The following ADAM33 variants were observed in gnomAD, a reference collection of about 807,000 sequenced individuals.
The protein encoded by ADAM33 is ADAM metallopeptidase domain 33, also known as disintegrin and metalloproteinase domain-containing protein 33.
In ADAM33, 103 loss-of-function variants were observed where a neutral mutation model predicts 106.2. That is an observed-to-expected ratio of 0.97 (90% CI 0.83 to 1.14). ADAM33 has a LOEUF of 1.14. Among genes scored for constraint, ADAM33 ranks in the 50% most tolerant of loss-of-function variants. ADAM33 has a pLI of 0.00. For missense variants in ADAM33, 1,120 were observed against 1,096.6 expected, an observed-to-expected ratio of 1.02 and a Z score of -0.30; for synonymous variants, 483 against 453.0, an observed-to-expected ratio of 1.07 and a Z score of -0.84.
At chr20:3,677,960 G>A (rs1451256952) in intron 2 of ADAM33, among the ~76,000 whole-genome samples, 2 of 152,190 alleles carry the variant, frequency 1.3e-5, no homozygotes, top group East Asian at 1.9e-4. Context: ...TTTAACCCCC[G>A]ACTCCTTTTC....
chr20:3,672,968 C>T, intron 11 of ADAM33, 70 bp from the exon 12 acceptor site: 1 of 1,455,590 alleles, frequency 6.9e-7, no homozygotes, highest in Non-Finnish European at 9.0e-7. Context: ...CTGATCCCCA[C>T]CCCTGGGCTT....
At chr20:3,678,256 G>A (rs1300988366) in intron 2 of ADAM33, among the ~76,000 whole-genome samples, 1 of 152,248 alleles carries the variant, frequency 6.6e-6, no homozygotes, top group Non-Finnish European at 1.5e-5. Context: ...ATCTTGAAAT[G>A]TGAGTGTTTC....
intron 3 of ADAM33, 101 bp downstream of exon 3, chr20:3,676,966 T>G: frequency 7.9e-7 from 1 of 1,273,474 alleles, no homozygotes; most frequent in East Asian, 2.8e-5. Context: ...GCACCCTCTC[T>G]GGGGTCCTCT....
chr20:3,674,523 G>A lies in ADAM33; in HGVS notation c.581C>T (p.Pro194Leu). Residue 194 changes from proline to leucine, a missense_variant, in exon 6 of 22, where the codon CCT (proline) becomes CTT (leucine). Pro to Leu is a moderately conservative substitution (Grantham distance 98). Transcript: ENST00000356518. Reference sequence around the variant, plus strand: ...CCTGACCCTGCTCTGGGGACCACCAGGAAGGCTGGTCATGCCCGCTTTGTT... The same window carrying A: ...CCTGACCCTGCTCTGGGGACCACCAAGAAGGCTGGTCATGCCCGCTTTGTT... ...PGNKAGMTSLPGGPQSRGRRE... is the reference protein window; with the variant it reads ...PGNKAGMTSLLGGPQSRGRRE... 1.2e-6 allele frequency: 2 copies of A among 1,613,476 alleles called. No homozygotes were observed. The highest frequency in any genetic ancestry group is 1.7e-6 in the Non-Finnish European group (2 of 1,179,922).
At chr20:3,676,315 TC>T (rs2087949978) in intron 3 of ADAM33, among the ~76,000 whole-genome samples, 4 of 151,250 alleles carry the variant, frequency 2.6e-5, no homozygotes, top group Admixed American at 2.6e-4. Flanking sequence ...CCAAATTCAT[TC>T]CCCCCTGCTC....
intron 3 of ADAM33, among the ~76,000 whole-genome samples, chr20:3,676,418 C>CT (rs373160767): frequency 0.024 from 3,466 of 147,130 alleles, 135 homozygotes; most frequent in African/African-American, 0.079. Context: ...TCTTTTCTTT[C>CT]TTTTTTTTTT....
At position 3,672,173 on chromosome 20, in the gene ADAM33, G is replaced by C; in HGVS notation, c.1558C>G (p.Pro520Ala). Residue 520 changes from proline to alanine, a missense_variant, in exon 14 of 22, where the codon CCC (proline) becomes GCC (alanine). Physicochemically the swap from Pro to Ala is conservative, Grantham distance 27. Transcript: ENST00000356518. ...GSGYCWDGAC[P>A]TLEQQCQQLW... ...TGCTGGCACTGCTGCTCCAGCGTGGGACATGCGCCATCCCAGCAGTAGCCA... is the reference window on the plus strand; with the variant it reads ...TGCTGGCACTGCTGCTCCAGCGTGGCACATGCGCCATCCCAGCAGTAGCCA... 6.2e-7 allele frequency: 1 copy of C among 1,613,202 alleles called. No homozygotes were observed. Among genetic ancestry groups the C allele is most frequent in the Non-Finnish European group, 8.5e-7 (1 of 1,179,986 alleles).
Position 3,677,149 on chromosome 20 carries a change from C to A in ADAM33, c.178-6G>T. ...CCCATGTCTGGCTTCGAGACCTGGGCAAGAAAATGTGTGGAGCTGAGATGG... is the reference window on the plus strand; with the variant it reads ...CCCATGTCTGGCTTCGAGACCTGGGAAAGAAAATGTGTGGAGCTGAGATGG... On this transcript the variant is annotated splice_polypyrimidine_tract_variant and splice_region_variant and intron_variant, in intron 2 of 21. Transcript: ENST00000356518. 1.2e-6 allele frequency: 2 copies of A among 1,605,056 alleles called. No homozygotes were observed. Among genetic ancestry groups the A allele is most frequent in the Non-Finnish European group, 1.7e-6 (2 of 1,175,682 alleles).
chr20:3,672,802 G>A lies in ADAM33; in HGVS notation c.1230C>T (p.Asp410=), dbSNP rs1398689698. The A allele has an allele frequency of 1.3e-6, 2 of 1,576,938 alleles. No homozygotes were observed. Among genetic ancestry groups the A allele is most frequent in the East Asian group, 4.5e-5 (2 of 44,030 alleles). ...GGGACLSNAP[D]PGLPVPPALC... Reference sequence around the variant, plus strand: ...GCGCCGGCGGCACCGGGAGTCCGGGGTCCGGGGCATTGGAGAGGCAAGCGC... The same window carrying A: ...GCGCCGGCGGCACCGGGAGTCCGGGATCCGGGGCATTGGAGAGGCAAGCGC... Residue 410 remains aspartate, a synonymous_variant, in exon 12 of 22, where the codon GAC becomes GAT. Transcript: ENST00000356518.
rs774282043 is a variant in ADAM33 at position 3,671,795 on chromosome 20, AG to A, written c.1707-17del. On this transcript the variant is annotated splice_polypyrimidine_tract_variant and intron_variant, in intron 15 of 21. Coordinates refer to ENST00000356518, the MANE Select transcript of ADAM33 (RefSeq NM_025220.5). ...CAGGGCATCCCTGGGGAGGAAGTAGAGGGGGGTCAACAGCTGCAGTACCCCC... is the reference window on the plus strand; with the variant it reads ...CAGGGCATCCCTGGGGAGGAAGTAGAGGGGGTCAACAGCTGCAGTACCCCC... 1.4e-5 allele frequency: 21 copies of A among 1,554,752 alleles called. No individual in the cohort carries two copies. The Admixed American group carries it at 1.6e-4, about 12-fold the overall frequency.
chr20:3,677,204 G>GT, intron 2 of ADAM33, 61 bp from the exon 3 acceptor site: 4 of 1,450,270 alleles, frequency 2.8e-6, no homozygotes, highest in Non-Finnish European at 3.7e-6. Context: ...CTGCCAGGGA[G>GT]TAGGTGGCCT....
In ADAM33 at chr20:3,677,083, C is replaced by G. The variant is rs757766733; in HGVS notation, c.238G>C (p.Glu80Gln). The G allele has an allele frequency of 1.5e-5, 24 of 1,612,894 alleles. No individual in the cohort carries two copies. The highest frequency in any genetic ancestry group is 1.9e-5 in the Non-Finnish European group (22 of 1,179,778). The stretch of plus-strand genomic sequence containing the variant: ...GGCACTCACTGGTTCTTCTCCAGCT[C>G]AAGCAGGAGCTCCTGGCCTTCAGCC... ...LEAEGQELLL[E>Q]LEKNHRLLAP... Residue 80 changes from glutamate (E) to glutamine (Q), a missense_variant, in exon 3 of 22, where the codon GAG becomes CAG. Physicochemically the swap from Glu to Gln is conservative, Grantham distance 29 (BLOSUM62 2). Coordinates refer to ENST00000356518, the MANE Select transcript of ADAM33 (RefSeq NM_025220.5).
chr20:3,680,074 G>A (rs921103526), intron 1 of ADAM33, among the ~76,000 whole-genome samples: 1 of 152,144 alleles, frequency 6.6e-6, no homozygotes, highest in Non-Finnish European at 1.5e-5. Flanking sequence ...ACTCTGTCCT[G>A]GTGGCAGGGT....
intron 2 of ADAM33, 136 bp from the exon 3 acceptor site, chr20:3,677,279 A>G (rs1455611170): frequency 3.1e-6 from 2 of 651,470 alleles, no homozygotes; most frequent in South Asian, 2.1e-5. Flanking sequence ...AGGACCCCCC[A>G]CATACTATGG....
rs2087500790 is a variant in ADAM33, at chr20:3,671,078, C to T, written c.2168G>A (p.Cys723Tyr). 1 of 1,580,638 alleles carries T rather than the reference C, an allele frequency of 6.3e-7. No homozygotes were observed. The highest frequency in any genetic ancestry group is 8.6e-7 in the Non-Finnish European group (1 of 1,163,408). ...ATGGGCTCCTGGGAGTCGGTAGCAA[C>T]ACCAGGCCAGGCCGGCCCCTGGGAG... ...PLLPGAGLAW[C>Y]CYRLPGAHLQ... Residue 723 changes from cysteine (C) to tyrosine (Y), a missense_variant, in exon 19 of 22, where the codon TGT becomes TAT. By Grantham distance (194) the Cys-to-Tyr change is radical. Transcript: ENST00000356518.
At position 3,677,086 on chromosome 20, in the gene ADAM33, G is replaced by C. The variant is rs138879335; in HGVS notation, c.235C>G (p.Leu79Val). ...ACTCACTGGTTCTTCTCCAGCTCAAGCAGGAGCTCCTGGCCTTCAGCCTCC... is the reference window on the plus strand; with the variant it reads ...ACTCACTGGTTCTTCTCCAGCTCAACCAGGAGCTCCTGGCCTTCAGCCTCC... ...ALEAEGQELL[L>V]ELEKNHRLLA... Residue 79 changes from leucine (L) to valine (V), a missense_variant, in exon 3 of 22, where the codon CTT (leucine) becomes GTT (valine). Leu to Val is a conservative substitution (Grantham distance 32). Coordinates refer to ENST00000356518, the MANE Select transcript of ADAM33 (RefSeq NM_025220.5). 2.5e-6 allele frequency: 4 copies of C among 1,612,792 alleles called. No individual in the cohort carries two copies. The African/African-American group carries it at 5.3e-5, about 22-fold the overall frequency.
rs372253608 is a variant in ADAM33, at chr20:3,671,422, G to A, written c.1980C>T (p.His660=). The change falls in exon 17 of 22, where the codon CAC becomes CAT. Residue 660 remains histidine (H), a synonymous_variant. Transcript: ENST00000356518. ...CCCCCACTCCTCGGGCTCTCACCCC[G>A]TGGCTGTGGCAGGCAGTCAGGCAGC... ...LQRCLTACHS[H]GVCNSNHNCH... 1.1e-5 allele frequency: 17 copies of A among 1,612,514 alleles called. 1 individual carries two copies. The highest frequency in any genetic ancestry group is 4.4e-5 in the South Asian group (4 of 91,032).
rs1035780328 is a variant in ADAM33 at position 3,669,135 on chromosome 20, G to A, written c.2405-135C>T. On this transcript the variant is annotated intron_variant, in intron 21 of 21. Transcript: ENST00000356518. ...CACAGCTTCTCCCTCCCCAGCCCAG[G>A]GGCTTCCAGCATCCTGGTCTGCATG... The A allele has an allele frequency of 6.4e-6, 8 of 1,253,996 alleles. No homozygotes were observed. The South Asian group carries it at 9.7e-5, about 15-fold the overall frequency. The allele number at this position is 1,253,996 out of a possible 1,614,324, so 77.7% of individuals were successfully genotyped here. A position where few individuals can be genotyped will look rare whatever the true frequency, so the allele number is the denominator to read the frequency against.
intron 3 of ADAM33, among the ~76,000 whole-genome samples, chr20:3,676,089 C>A (rs770455377): frequency 1.8e-4 from 27 of 152,220 alleles, no homozygotes; most frequent in Non-Finnish European, 3.8e-4. Flanking sequence ...ACAGCGCCTG[C>A]GGTCAAGCAC....
Sources: gnomAD v4.1 joint callset for allele counts (sites outside exome capture counted in the v4.1 genomes callset) on GRCh38, gnomAD v4.1.1 for gene constraint, MANE v1.5 for transcripts, NCBI Gene and HGNC (gene_info 2026-07-23, HGNC 2026-07-21) for gene names.